The following ZFPM2 variants were observed in gnomAD, a reference collection of about 807,000 sequenced individuals.
ZFPM2 encodes the protein zinc finger protein, FOG family member 2.
ZFPM2 carries 20 observed loss-of-function variants against 98.6 expected under a neutral mutation model. The observed-to-expected ratio is 0.20, with a 90% CI of 0.14 to 0.29. ZFPM2 has a LOEUF of 0.29. Among genes scored for constraint, ZFPM2 ranks in the 10% least tolerant of loss-of-function variants. The pLI, the probability that ZFPM2 is intolerant of heterozygous loss-of-function variation, is 1.00. For synonymous variants in ZFPM2, 518 were observed against 502.7 expected (o/e 1.03, Z -0.41); for missense variants, 1,310 against 1,388.6 (o/e 0.94, Z 0.90).
rs541546765 is a variant in ZFPM2 at position 105,702,195 on chromosome 8, T to C, written c.532+67838T>C. On this transcript the variant is annotated intron_variant, in intron 5 of 7. Coordinates refer to ENST00000407775, the MANE Select transcript of ZFPM2 (RefSeq NM_012082.4). Reference sequence around the variant, plus strand: ...TGTTTTCTTTGTTTTGTTTTGTTTTTCAAGAACAAGCAGGTTTCCAACTAT... The same window carrying C: ...TGTTTTCTTTGTTTTGTTTTGTTTTCCAAGAACAAGCAGGTTTCCAACTAT... Among the ~76,000 whole-genome samples, 7 of 152,332 alleles carry C rather than the reference T, an allele frequency of 4.6e-5. No individual in the cohort carries two copies. In the South Asian group the frequency reaches 1.0e-3, roughly 23 times the overall value.
At chr8:105,319,288 G>T (rs898429659) in intron 1 of ZFPM2, among the ~76,000 whole-genome samples, 11 of 152,286 alleles carry the variant, frequency 7.2e-5, no homozygotes, top group African/African-American at 2.6e-4. Flanking sequence ...CGGCGCTGTC[G>T]TCCAGCCGGA....
chr8:105,470,266 G>A (rs1378323407), intron 3 of ZFPM2, among the ~76,000 whole-genome samples: 3 of 152,210 alleles, frequency 2.0e-5, no homozygotes, highest in Non-Finnish European at 2.9e-5. Context: ...CCGGGACACC[G>A]AACTTATTTC....
At chr8:105,696,486 G>A (rs1394544935) in intron 5 of ZFPM2, among the ~76,000 whole-genome samples, 7 of 152,014 alleles carry the variant, frequency 4.6e-5, no homozygotes, top group Non-Finnish European at 1.5e-5. Context: ...TTATTTCTGA[G>A]CACTCATGTA....
At position 105,643,113 on chromosome 8, in the gene ZFPM2, G is replaced by A. The variant is rs139571579; in HGVS notation, c.532+8756G>A. On this transcript the variant is annotated intron_variant, in intron 5 of 7. Transcript: ENST00000407775. ...TTTTGAGGGTACACGTGATGAAATC[G>A]AGATTCTAGTAAGATTATTGTGTCA... 2.1e-3 allele frequency among the ~76,000 whole-genome samples: 313 copies of A among 152,208 alleles called. 1 individual carries two copies. Among genetic ancestry groups the A allele is most frequent in the Non-Finnish European group, 2.3e-3 (157 of 68,002 alleles).
At chr8:105,443,176 G>A (rs530459069) in intron 2 of ZFPM2, among the ~76,000 whole-genome samples, 25 of 151,842 alleles carry the variant, frequency 1.6e-4, no homozygotes, top group Non-Finnish European at 2.1e-4. Context: ...GGGCGTGGTG[G>A]CAGGCACCTG....
rs139489210 is a variant in ZFPM2 at position 105,372,004 on chromosome 8, A to AATTATT, written c.41-47100_41-47095dup. On this transcript the variant is annotated intron_variant, in intron 1 of 7. Coordinates refer to ENST00000407775, the MANE Select transcript of ZFPM2 (RefSeq NM_012082.4). ...GTTCACAAAATGATAAAAATAGTGA[A>AATTATT]ATTATTATTATTATTATTATTATTA... is the stretch of plus-strand genomic sequence containing the variant. Among the ~76,000 whole-genome samples the AATTATT allele has an allele frequency of 8.4e-3, 1,226 of 145,712 alleles. 8 individuals are homozygous for AATTATT. The highest frequency in any genetic ancestry group is 0.029 in the East Asian group (140 of 4,850).
rs950523722 is a variant in ZFPM2, at chr8:105,398,754, A to G, written c.41-20390A>G. On this transcript the variant is annotated intron_variant, in intron 1 of 7. Transcript: ENST00000407775. ...ACTCACCTCTTGTTACAACTGTTAT[A>G]TATGTATATATATACATATTGGTAC... 7.9e-5 allele frequency among the ~76,000 whole-genome samples: 12 copies of G among 152,256 alleles called. 1 individual carries two copies. The highest frequency in any genetic ancestry group is 2.6e-4 in the African/African-American group (11 of 41,544).
intron 4 of ZFPM2, among the ~76,000 whole-genome samples, chr8:105,591,577 TATTTA>T (rs1350593736): frequency 6.6e-6 from 1 of 152,190 alleles, no homozygotes; most frequent in Non-Finnish European, 1.5e-5. Flanking sequence ...AGAAAAATTT[TATTTA>T]AAGACTTGTT....
At chr8:105,340,446 T>C (rs1812406393) in intron 1 of ZFPM2, among the ~76,000 whole-genome samples, 1 of 151,974 alleles carries the variant, frequency 6.6e-6, no homozygotes, top group Non-Finnish European at 1.5e-5. Flanking sequence ...ACTCTGGCAA[T>C]CATATACATT....
intron 4 of ZFPM2, among the ~76,000 whole-genome samples, chr8:105,599,505 G>A (rs1315733936): frequency 2.0e-5 from 3 of 151,806 alleles, no homozygotes. Flanking sequence ...GAAATCCAGG[G>A]GTTAGAGCAC....
chr8:105,379,424 A>G (rs1464416567), intron 1 of ZFPM2, among the ~76,000 whole-genome samples: 1 of 152,202 alleles, frequency 6.6e-6, no homozygotes, highest in Non-Finnish European at 1.5e-5. Flanking sequence ...ACAACTCATC[A>G]GTGAACCAGC....
chr8:105,551,339 G>A (rs2130662289), intron 3 of ZFPM2, among the ~76,000 whole-genome samples: 1 of 152,192 alleles, frequency 6.6e-6, no homozygotes, highest in East Asian at 1.9e-4. Context: ...TTGAACTCAA[G>A]GAATGAACTC....
At chr8:105,686,612 G>A (rs1810741949) in intron 5 of ZFPM2, among the ~76,000 whole-genome samples, 2 of 151,884 alleles carry the variant, frequency 1.3e-5, no homozygotes, top group Non-Finnish European at 2.9e-5. Flanking sequence ...GCATGCTTAG[G>A]TCTCCCAAAT....
chr8:105,514,601 AG>A (rs1813883571), intron 3 of ZFPM2, among the ~76,000 whole-genome samples: 5 of 151,812 alleles, frequency 3.3e-5, no homozygotes, highest in Admixed American at 3.3e-4. Context: ...TCCTTGCCAC[AG>A]TACTTGTTGT....
intron 3 of ZFPM2, among the ~76,000 whole-genome samples, chr8:105,492,798 T>A (rs1391397142): frequency 6.6e-6 from 1 of 152,226 alleles, no homozygotes; most frequent in African/African-American, 2.4e-5. Flanking sequence ...CTGATTTTAA[T>A]GTAAATAACT....
At chr8:105,712,603 T>C (rs141903775) in intron 5 of ZFPM2, among the ~76,000 whole-genome samples, 4 of 152,044 alleles carry the variant, frequency 2.6e-5, no homozygotes, top group African/African-American at 9.6e-5. Flanking sequence ...CAGTGGTAGG[T>C]TTATTTTAAG....
At chr8:105,505,568 G>A (rs28407696) in intron 3 of ZFPM2, among the ~76,000 whole-genome samples, 180 of 151,896 alleles carry the variant, frequency 1.2e-3, no homozygotes, top group African/African-American at 4.0e-3. Context: ...TTCTAATAAA[G>A]TCAGTAAAAT....
rs374686538 is a variant in ZFPM2, at chr8:105,693,341, G to A, written c.532+58984G>A. ...GTGCATTGGTGCAGGCTATTCCGCA[G>A]CTTGTCGGCAACTCGCGTTGGGACT... On this transcript the variant is annotated intron_variant, in intron 5 of 7. Transcript: ENST00000407775. 6.9e-4 allele frequency among the ~76,000 whole-genome samples: 105 copies of A among 152,278 alleles called. 1 individual carries two copies. Among genetic ancestry groups the A allele is most frequent in the African/African-American group, 2.5e-3 (103 of 41,560 alleles).
intron 2 of ZFPM2, among the ~76,000 whole-genome samples, chr8:105,438,601 C>A (rs1285786369): frequency 6.6e-6 from 1 of 152,016 alleles, no homozygotes; most frequent in Non-Finnish European, 1.5e-5. Flanking sequence ...TTGGGGTAGA[C>A]TTAACCATGG....
Sources: allele counts gnomAD v4.1 joint callset (sites outside exome capture counted in the v4.1 genomes callset), GRCh38; gene constraint gnomAD v4.1.1; transcripts MANE v1.5; gene names NCBI Gene and HGNC (gene_info 2026-07-23, HGNC 2026-07-21).